CFAP61: variants seen among roughly 807,000 people sequenced by gnomAD.
CFAP61 encodes the protein cilia- and flagella-associated protein 61.
Under a neutral mutation model 135.6 loss-of-function variants are expected in CFAP61, and 107 were observed. That is an observed-to-expected ratio of 0.79 (90% CI 0.67 to 0.93). The LOEUF (loss-of-function observed/expected upper bound fraction) is 0.93. Among genes scored for constraint, CFAP61 ranks in the 40% least tolerant of loss-of-function variants. The probability of loss-of-function intolerance (pLI) is 0.00; values close to 1 mark genes in which losing one functional copy is unlikely to be tolerated. For synonymous variants in CFAP61, 575 were observed against 578.5 expected (o/e 0.99, Z 0.09); for missense variants, 1,507 against 1,556.2 (o/e 0.97, Z 0.53).
rs932583707 is a variant in CFAP61 at position 20,068,768 on chromosome 20, C to T, written c.144-2086C>T. 8.5e-5 allele frequency among the ~76,000 whole-genome samples: 13 copies of T among 152,238 alleles called. No homozygotes were observed. The East Asian group carries it at 1.7e-3, about 20-fold the overall frequency. ...ACCTTCCTTTTTATTTCTTTTGAGA[C>T]GGAGTCTTGCTTTGTTGCCAGGCTG... On this transcript the variant is annotated intron_variant, in intron 2 of 26. Coordinates refer to ENST00000245957, the MANE Select transcript of CFAP61 (RefSeq NM_015585.4).
intron 20 of CFAP61, among the ~76,000 whole-genome samples, chr20:20,259,309 A>G (rs1483207453): frequency 8.1e-6 from 1 of 123,746 alleles, no homozygotes; most frequent in East Asian, 2.6e-4. Context: ...GCTGGAGTGC[A>G]GTGGTGCAAT....
intron 9 of CFAP61, among the ~76,000 whole-genome samples, chr20:20,148,241 T>C (rs559770417): frequency 6.6e-6 from 1 of 152,368 alleles, no homozygotes; most frequent in South Asian, 2.1e-4. Context: ...GCAGGCTCTT[T>C]TATGGCTCCG....
intron 17 of CFAP61, among the ~76,000 whole-genome samples, chr20:20,210,274 C>T (rs1882116993): frequency 6.6e-6 from 1 of 152,202 alleles, no homozygotes; most frequent in Admixed American, 6.5e-5. Flanking sequence ...ACTGATTTCT[C>T]CTTCTTCCCC....
At chr20:20,234,184 A>G (rs1421574399) in intron 18 of CFAP61, among the ~76,000 whole-genome samples, 1 of 152,194 alleles carries the variant, frequency 6.6e-6, no homozygotes, top group African/African-American at 2.4e-5. Flanking sequence ...GGAAGTGAGG[A>G]TAGCCACAAA....
chr20:20,070,280 A>G (rs748906874), intron 2 of CFAP61, among the ~76,000 whole-genome samples: 1 of 152,240 alleles, frequency 6.6e-6, no homozygotes, highest in Non-Finnish European at 1.5e-5. Context: ...CCCAGATTCC[A>G]TATGAATGAA....
chr20:20,322,317 G>A (rs977132387), intron 25 of CFAP61, among the ~76,000 whole-genome samples: 7 of 152,126 alleles, frequency 4.6e-5, no homozygotes, highest in African/African-American at 7.2e-5. Flanking sequence ...TGAAATGCTC[G>A]GATCAAATGA....
At chr20:20,122,218 A>G (rs903260286) in intron 8 of CFAP61, among the ~76,000 whole-genome samples, 3 of 151,750 alleles carry the variant, frequency 2.0e-5, no homozygotes, top group South Asian at 2.1e-4. Flanking sequence ...CAGTGGCACA[A>G]TCTTGGCTCA....
At chr20:20,101,041 T>C (rs1309695660) in intron 8 of CFAP61, among the ~76,000 whole-genome samples, 1 of 152,212 alleles carries the variant, frequency 6.6e-6, no homozygotes, top group African/African-American at 2.4e-5. Flanking sequence ...GGAGCTGGCA[T>C]TGTAGACTTC....
chr20:20,177,028 C>T (rs888933601), intron 13 of CFAP61, among the ~76,000 whole-genome samples: 2 of 151,864 alleles, frequency 1.3e-5, no homozygotes, highest in Non-Finnish European at 2.9e-5. Context: ...AAAGGCCACA[C>T]CTACTTTAAA....
chr20:20,067,007 G>C (rs2045321415), intron 2 of CFAP61, among the ~76,000 whole-genome samples: 1 of 151,470 alleles, frequency 6.6e-6, no homozygotes, highest in South Asian at 2.1e-4. Flanking sequence ...TCTAAAATTA[G>C]TTAAATGATA....
rs749875890 is a variant in CFAP61 at position 20,090,914 on chromosome 20, G to C, written c.637G>C (p.Glu213Gln). ...CACAATTCTGAAGGAAACTTACGGT[G>C]AATACTTCCTGGCCGAACTAATAGA... ...YDTILKETYG[E>Q]YFLAELIEAQ... Residue 213 changes from glutamate (E) to glutamine (Q), a missense_variant, in exon 7 of 27, where the codon GAA becomes CAA. Coordinates refer to ENST00000245957, the MANE Select transcript of CFAP61 (RefSeq NM_015585.4). 1.1e-5 allele frequency: 17 copies of C among 1,614,112 alleles called. No homozygotes were observed. In the South Asian group the frequency reaches 1.9e-4, roughly 18 times the overall value.
At chr20:20,156,164 A>T (rs1210543208) in intron 9 of CFAP61, among the ~76,000 whole-genome samples, 2 of 152,140 alleles carry the variant, frequency 1.3e-5, no homozygotes, top group African/African-American at 4.8e-5. Flanking sequence ...ATATTGAAAT[A>T]AAAAAATTTA....
In CFAP61 at chr20:20,287,830, A is replaced by G. The variant is rs551273429; in HGVS notation, c.2797-779A>G. On this transcript the variant is annotated intron_variant, in intron 22 of 26. Coordinates refer to ENST00000245957, the MANE Select transcript of CFAP61 (RefSeq NM_015585.4). ...AAAAACAACTAACTTGCACTGCTTC[A>G]GTGACTTTCAACATCAGTGTGGAAG... Among the ~76,000 whole-genome samples the G allele has an allele frequency of 3.3e-5, 5 of 152,390 alleles. No individual in the cohort carries two copies. In the South Asian group the frequency reaches 1.0e-3, roughly 32 times the overall value.
At chr20:20,177,553 CCAGCAAAGCCCCCT>C (rs2054726448) in intron 13 of CFAP61, among the ~76,000 whole-genome samples, 1 of 151,780 alleles carries the variant, frequency 6.6e-6, no homozygotes, top group South Asian at 2.1e-4. Flanking sequence ...CCCAGAGACC[CCAGCAAAGCCCCCT>C]CATTCATCCA....
At chr20:20,333,839 T>C (rs1391754443) in intron 25 of CFAP61, among the ~76,000 whole-genome samples, 8 of 152,144 alleles carry the variant, frequency 5.3e-5, no homozygotes, top group East Asian at 1.9e-4. Context: ...CATGTTCTTA[T>C]AGACATCAAA....
At chr20:20,068,926 G>A (rs1156292840) in intron 2 of CFAP61, among the ~76,000 whole-genome samples, 1 of 152,142 alleles carries the variant, frequency 6.6e-6, no homozygotes, top group Non-Finnish European at 1.5e-5. Context: ...TGTATTTTTA[G>A]TAGAAACAGG....
intron 25 of CFAP61, among the ~76,000 whole-genome samples, chr20:20,314,851 AC>A (rs1384240111): frequency 1.5e-5 from 2 of 136,950 alleles, no homozygotes; most frequent in Non-Finnish European, 3.1e-5. Context: ...CCATGTCCCT[AC>A]AAAGGACATG....
At chr20:20,227,250 C>T (rs1040066482) in intron 17 of CFAP61, among the ~76,000 whole-genome samples, 4 of 152,158 alleles carry the variant, frequency 2.6e-5, no homozygotes, top group African/African-American at 7.2e-5. Flanking sequence ...TATCAGAATG[C>T]GGAGATTTCT....
intron 26 of CFAP61, among the ~76,000 whole-genome samples, chr20:20,348,127 T>C (rs1287621562): frequency 6.6e-6 from 1 of 152,180 alleles, no homozygotes; most frequent in East Asian, 1.9e-4. Flanking sequence ...TCTCTTGAAC[T>C]CTTCCAAAAC....
Sources: allele counts gnomAD v4.1 joint callset (sites outside exome capture counted in the v4.1 genomes callset), GRCh38; gene constraint gnomAD v4.1.1; transcripts MANE v1.5; gene names NCBI Gene and HGNC (gene_info 2026-07-23, HGNC 2026-07-21).